RYR3: variants seen among roughly 807,000 people sequenced by gnomAD.
RYR3 encodes the protein brain ryanodine receptor-calcium release channel.
RYR3 carries 207 observed loss-of-function variants against 584.3 expected under a neutral mutation model. That is an observed-to-expected ratio of 0.35 (90% confidence interval 0.32 to 0.40). RYR3 has a LOEUF of 0.40. RYR3 is among the 10% of genes least tolerant of loss of function. The pLI is 1.00. For missense variants in RYR3, 5,616 were observed against 6,089.2 expected (o/e 0.92, Z 2.59); for synonymous variants, 2,416 against 2,248.5 (o/e 1.07, Z -2.11).
At chr15:33,531,068 C>T (rs935714621) in intron 4 of RYR3, among the ~76,000 whole-genome samples, 2 of 152,000 alleles carry the variant, frequency 1.3e-5, no homozygotes, top group Admixed American at 6.6e-5. Context: ...GAAGAAAAAC[C>T]AATCAAATGG....
intron 60 of RYR3, among the ~76,000 whole-genome samples, chr15:33,758,242 CAGA>C (rs1382848157): frequency 3.9e-5 from 6 of 152,174 alleles, no homozygotes; most frequent in Admixed American, 2.0e-4. Context: ...GAGCTAGCTG[CAGA>C]AGTTTTTTTT....
Position 33,816,918 on chromosome 15 carries a change from A to C in RYR3, c.10559A>C (p.Glu3520Ala). 1 of 1,612,292 alleles carries C rather than the reference A, an allele frequency of 6.2e-7. No individual in the cohort carries two copies. Among genetic ancestry groups the C allele is most frequent in the Non-Finnish European group, 8.5e-7 (1 of 1,178,988 alleles). Residue 3520 changes from glutamate (E) to alanine (A), a missense_variant, in exon 75 of 104, where the codon GAG becomes GCG. Glu to Ala is a moderately radical substitution (Grantham distance 107). Around this residue, in one of 9 missense-constraint regions of RYR3, gnomAD observed 954 missense variants for 1,132.2 expected, o/e 0.84. Coordinates refer to ENST00000634891, the MANE Select transcript of RYR3 (RefSeq NM_001036.6). ...HGYQRFWIET[E>A]EYSFEEKLVQ... ...TATCAGAGATTTTGGATAGAAACAGAGGAGTATTCCTTTGAAGAGAAACTA... is the reference window on the plus strand; with the variant it reads ...TATCAGAGATTTTGGATAGAAACAGCGGAGTATTCCTTTGAAGAGAAACTA...
At chr15:33,540,446 T>G (rs2055724745) in intron 6 of RYR3, among the ~76,000 whole-genome samples, 3 of 152,206 alleles carry the variant, frequency 2.0e-5, no homozygotes, top group African/African-American at 4.8e-5. Context: ...GTGGGCAGAT[T>G]TTACTTTGCC....
intron 36 of RYR3, among the ~76,000 whole-genome samples, chr15:33,665,089 A>G (rs574300621): frequency 5.5e-4 from 84 of 152,134 alleles, no homozygotes; most frequent in African/African-American, 1.8e-3. Context: ...AAATGTTGTC[A>G]GGCTGCTTTT....
At chr15:33,555,159 A>G (rs2056984411) in intron 10 of RYR3, among the ~76,000 whole-genome samples, 1 of 152,190 alleles carries the variant, frequency 6.6e-6, no homozygotes, top group South Asian at 2.1e-4. Flanking sequence ...TTCTTGGCCA[A>G]ATGTGACTTC....
rs1040644454 is a variant in RYR3 at position 33,576,022 on chromosome 15, A to G, written c.1269-3954A>G. ...CTAGAAAATTGAGAAAGAATGGATA[A>G]ATTCCTGGACATATACACCCTCCCA... On this transcript the variant is annotated intron_variant, in intron 12 of 103. Transcript: ENST00000634891. Among the ~76,000 whole-genome samples the G allele has an allele frequency of 2.2e-4, 34 of 152,284 alleles. 1 individual carries two copies. The highest frequency in any genetic ancestry group is 7.9e-4 in the African/African-American group (33 of 41,554).
intron 10 of RYR3, among the ~76,000 whole-genome samples, chr15:33,555,300 T>A (rs1264260446): frequency 6.6e-6 from 1 of 152,152 alleles, no homozygotes. Flanking sequence ...CCAGTCCCCT[T>A]GCTTGCTCCG....
At chr15:33,787,518 T>TAA (rs1015449686) in intron 66 of RYR3, among the ~76,000 whole-genome samples, 2 of 132,914 alleles carry the variant, frequency 1.5e-5, no homozygotes, top group African/African-American at 5.3e-5. Flanking sequence ...CTCTGGTCTT[T>TAA]AAAAAAAAAA....
chr15:33,767,341 AAAAG>A (rs1390966426), intron 60 of RYR3, among the ~76,000 whole-genome samples: 1 of 152,130 alleles, frequency 6.6e-6, no homozygotes, highest in East Asian at 1.9e-4. Context: ...TGGGAAGAAA[AAAAG>A]AGCAGCCGAT....
chr15:33,468,544 C>A (rs2048670343), intron 1 of RYR3, among the ~76,000 whole-genome samples: 1 of 152,018 alleles, frequency 6.6e-6, no homozygotes, highest in African/African-American at 2.4e-5. Context: ...TGAAAATGAC[C>A]CTGTTATGTG....
At chr15:33,543,531 G>C (rs1339940138) in intron 7 of RYR3, 91 bp from the exon 8 acceptor site, 13 of 829,394 alleles carry the variant, frequency 1.6e-5, no homozygotes, top group Non-Finnish European at 2.5e-5. Flanking sequence ...ACCGTAACTG[G>C]CTCAGACCTG....
chr15:33,741,331 C>G (rs1439935439), intron 51 of RYR3, among the ~76,000 whole-genome samples: 1 of 152,212 alleles, frequency 6.6e-6, no homozygotes, highest in African/African-American at 2.4e-5. Context: ...GGGAGGAAAT[C>G]GACAATCTTC....
chr15:33,798,794 G>A (rs1829120538), intron 67 of RYR3, among the ~76,000 whole-genome samples: 1 of 152,174 alleles, frequency 6.6e-6, no homozygotes, highest in African/African-American at 2.4e-5. Context: ...GAAAACGAGA[G>A]ATTAGATAAG....
At chr15:33,364,406 C>G (rs1975191575) in intron 1 of RYR3, among the ~76,000 whole-genome samples, 1 of 152,194 alleles carries the variant, frequency 6.6e-6, no homozygotes, top group Non-Finnish European at 1.5e-5. Context: ...AGCATGCACA[C>G]CTCATGAGAA....
At position 33,764,776 on chromosome 15, in the gene RYR3, G is replaced by A. The variant is rs185923161; in HGVS notation, c.8706-3882G>A. Among the ~76,000 whole-genome samples the A allele has an allele frequency of 5.3e-5, 8 of 152,232 alleles. No homozygotes were observed. The East Asian group carries it at 1.4e-3, about 26-fold the overall frequency. On this transcript the variant is annotated intron_variant, in intron 60 of 103. Transcript: ENST00000634891. ...CGACTGGACACGGTGGCTCATGCCT[G>A]TAATCCAGCACTTTGGGAGGCCAGG...
intron 2 of RYR3, among the ~76,000 whole-genome samples, chr15:33,487,052 G>T (rs1237185883): frequency 1.3e-5 from 2 of 152,100 alleles, no homozygotes; most frequent in Non-Finnish European, 2.9e-5. Flanking sequence ...ACAAAAATTA[G>T]CCAGGTGTGG....
At chr15:33,727,728 T>G (rs2152816709) in intron 46 of RYR3, among the ~76,000 whole-genome samples, 1 of 152,330 alleles carries the variant, frequency 6.6e-6, no homozygotes, top group Admixed American at 6.5e-5. Flanking sequence ...GACTTAATTT[T>G]TGTCCTCTCA....
intron 14 of RYR3, among the ~76,000 whole-genome samples, chr15:33,584,069 A>G (rs2058721853): frequency 6.6e-6 from 1 of 151,320 alleles, no homozygotes; most frequent in African/African-American, 2.4e-5. Context: ...ACAAACAAAC[A>G]AACAAAAAAA....
At chr15:33,794,306 T>TATATACATATATATATG (rs1446855739) in intron 67 of RYR3, among the ~76,000 whole-genome samples, 2 of 31,926 alleles carry the variant, frequency 6.3e-5, no homozygotes, top group Non-Finnish European at 2.1e-4. Context: ...TATATATATA[T>TATATACATATATATATG]TTTTATATAT....
Sources: allele counts gnomAD v4.1 joint callset (sites outside exome capture counted in the v4.1 genomes callset), GRCh38; gene constraint gnomAD v4.1.1; regional missense constraint gnomAD v4.1.1; transcripts MANE v1.5; gene names NCBI Gene and HGNC (gene_info 2026-07-23, HGNC 2026-07-21).